The following PHACTR4 variants were observed in gnomAD, a reference collection of about 807,000 sequenced individuals.
PHACTR4 encodes the protein protein phosphatase 1, regulatory subunit 124.
In PHACTR4, 51 loss-of-function variants were observed where a neutral mutation model predicts 72.7. The ratio of observed to expected loss-of-function variants is 0.70; its 90% CI spans 0.56 to 0.89. The LOEUF is 0.89. Among genes scored for constraint, PHACTR4 ranks in the 40% least tolerant of loss-of-function variants. The probability of loss-of-function intolerance (pLI) is 0.00; values close to 1 mark genes in which losing one functional copy is unlikely to be tolerated. For missense variants in PHACTR4, 731 were observed against 861.8 expected (o/e 0.85, Z 1.90); for synonymous variants, 255 against 302.5 (o/e 0.84, Z 1.63).
chr1:28,483,206 C>A (rs1660390456), intron 9 of PHACTR4, among the ~76,000 whole-genome samples: 1 of 151,536 alleles, frequency 6.6e-6, no homozygotes, highest in East Asian at 2.0e-4. Flanking sequence ...GAGTTCGAGG[C>A]AACATGACAA....
At chr1:28,488,334 A>T (rs1660833578) in intron 9 of PHACTR4, among the ~76,000 whole-genome samples, 2 of 151,936 alleles carry the variant, frequency 1.3e-5, no homozygotes, top group African/African-American at 2.4e-5. Flanking sequence ...CGTCTCTACT[A>T]AAAATACAAA....
chr1:28,414,463 G>T (rs1246958702), intron 2 of PHACTR4, among the ~76,000 whole-genome samples: 1 of 127,230 alleles, frequency 7.9e-6, no homozygotes, highest in Non-Finnish European at 1.6e-5. Flanking sequence ...CCGCAGCCTC[G>T]ACCTCCTGAG....
At position 28,411,757 on chromosome 1, in the gene PHACTR4, C is replaced by T. The variant is rs566093415; in HGVS notation, c.16+4294C>T. Among the ~76,000 whole-genome samples the T allele has an allele frequency of 8.6e-5, 13 of 151,922 alleles. No individual in the cohort carries two copies. In the South Asian group the frequency reaches 2.7e-3, roughly 32 times the overall value. On this transcript the variant is annotated intron_variant, in intron 2 of 13. Coordinates refer to ENST00000373839, the MANE Select transcript of PHACTR4 (RefSeq NM_001048183.3). Reference sequence around the variant, plus strand: ...AATCTTAGAAATCACCACTAAAGAACGTATTCATGTAACCAAATACTACCC... The same window carrying T: ...AATCTTAGAAATCACCACTAAAGAATGTATTCATGTAACCAAATACTACCC...
intron 2 of PHACTR4, among the ~76,000 whole-genome samples, chr1:28,450,932 T>A (rs1657909412): frequency 1.4e-5 from 2 of 144,928 alleles, no homozygotes; most frequent in South Asian, 4.4e-4. Flanking sequence ...TGCCTCAGCC[T>A]CCCCAGTAGC....
intron 2 of PHACTR4, among the ~76,000 whole-genome samples, chr1:28,417,613 A>T (rs1402522305): frequency 6.6e-6 from 1 of 152,188 alleles, no homozygotes; most frequent in East Asian, 1.9e-4. Flanking sequence ...TGATACTCAG[A>T]GTGGCACATG....
chr1:28,473,883 C>G lies in PHACTR4; in HGVS notation c.1153C>G (p.Pro385Ala), dbSNP rs925680759. The stretch of plus-strand genomic sequence containing the variant: ...ATCCTTAGATCTACACCAGGAGATT[C>G]CCCAGCAGGAAGATCAGAAAAAGGA... ...PPSLDLHQEIPQQEDQKKEVP... is the reference protein window; with the variant it reads ...PPSLDLHQEIAQQEDQKKEVP... The change falls in exon 7 of 14, where the codon CCC becomes GCC. Residue 385 changes from proline (P) to alanine (A), a missense_variant. Coordinates refer to ENST00000373839, the MANE Select transcript of PHACTR4 (RefSeq NM_001048183.3). The G allele has an allele frequency of 1.2e-5, 20 of 1,613,942 alleles. No homozygotes were observed. Among genetic ancestry groups the G allele is most frequent in the Admixed American group, 1.7e-5 (1 of 59,970 alleles).
intron 12 of PHACTR4, among the ~76,000 whole-genome samples, chr1:28,492,231 G>C (rs1570121120): frequency 1.3e-5 from 2 of 152,136 alleles, no homozygotes; most frequent in East Asian, 3.8e-4. Context: ...GAGGTAAGGA[G>C]TTCGAGACCA....
intron 2 of PHACTR4, among the ~76,000 whole-genome samples, chr1:28,449,975 A>C (rs74064841): frequency 0.1 from 15,820 of 152,188 alleles, 1,902 homozygotes; most frequent in African/African-American, 0.3. Flanking sequence ...CTGCATAATT[A>C]ATGATGTAAG....
chr1:28,408,672 T>A (rs74754529), intron 2 of PHACTR4, among the ~76,000 whole-genome samples: 16,731 of 148,864 alleles, frequency 0.11, 1,591 homozygotes, highest in African/African-American at 0.26. Context: ...ATATATATAT[T>A]TTTTTTTAAT....
intron 10 of PHACTR4, among the ~76,000 whole-genome samples, chr1:28,490,063 C>G (rs1311183324): frequency 6.6e-6 from 1 of 152,022 alleles, no homozygotes; most frequent in Non-Finnish European, 1.5e-5. Context: ...GTTTTGCAGG[C>G]CAAAAAGCAA....
At chr1:28,453,552 C>T (rs1402407434) in intron 2 of PHACTR4, 14 of 689,702 alleles carry the variant, frequency 2.0e-5, no homozygotes, top group Non-Finnish European at 2.7e-5. Flanking sequence ...GGCGGCTTCA[C>T]GAGAGAGTGG....
chr1:28,422,338 A>G (rs1220378400), intron 2 of PHACTR4, among the ~76,000 whole-genome samples: 1 of 152,222 alleles, frequency 6.6e-6, no homozygotes, highest in Non-Finnish European at 1.5e-5. Flanking sequence ...CAGTATAAAA[A>G]CTTTACATCA....
intron 1 of PHACTR4, among the ~76,000 whole-genome samples, chr1:28,389,469 G>A (rs972005833): frequency 1.4e-5 from 2 of 147,212 alleles, no homozygotes; most frequent in Non-Finnish European, 1.5e-5. Context: ...ATGTAAATTT[G>A]TATACTACTT....
chr1:28,434,002 A>G (rs1238289913), intron 2 of PHACTR4, among the ~76,000 whole-genome samples: 2 of 144,014 alleles, frequency 1.4e-5, no homozygotes, highest in Non-Finnish European at 3.0e-5. Flanking sequence ...CTCTTCTTGA[A>G]CTCCTAATCT....
At chr1:28,471,030 GA>G (rs375266708) in intron 6 of PHACTR4, among the ~76,000 whole-genome samples, 116 of 134,172 alleles carry the variant, frequency 8.6e-4, no homozygotes, top group South Asian at 1.7e-3. Flanking sequence ...TGTCTCAAAA[GA>G]AAAAAAAAAA....
rs929879905 is a variant in PHACTR4 at position 28,496,920 on chromosome 1, C to G, written c.*371C>G. 3 of 263,806 alleles carry G rather than the reference C, an allele frequency of 1.1e-5. No homozygotes were observed. The highest frequency in any genetic ancestry group is 2.2e-5 in the Non-Finnish European group (3 of 137,576). The allele number at this position is 263,806 out of a possible 1,614,324, so 16.3% of individuals were successfully genotyped here. ...AGTTTGCACCATTAGCCTTACCTGC[C>G]CTGCCCTGATTGTGAGACCCAAATG... On this transcript the variant is annotated 3_prime_UTR_variant, in exon 14 of 14. Coordinates refer to ENST00000373839, the MANE Select transcript of PHACTR4 (RefSeq NM_001048183.3).
At chr1:28,397,598 T>C (rs1233360243) in intron 1 of PHACTR4, among the ~76,000 whole-genome samples, 1 of 152,026 alleles carries the variant, frequency 6.6e-6, no homozygotes, top group East Asian at 1.9e-4. Flanking sequence ...TCCATCTGAG[T>C]AGATTAATTT....
chr1:28,378,578 C>G (rs1255797554), intron 1 of PHACTR4, among the ~76,000 whole-genome samples: 7 of 126,486 alleles, frequency 5.5e-5, no homozygotes, highest in Non-Finnish European at 8.6e-5. Flanking sequence ...AGCCCCCCCC[C>G]CCTTTTTTTT....
At chr1:28,376,220 C>T (rs1003392350) in intron 1 of PHACTR4, among the ~76,000 whole-genome samples, 4 of 150,756 alleles carry the variant, frequency 2.7e-5, no homozygotes, top group African/African-American at 7.3e-5. Context: ...GGCTGAGGCA[C>T]AGGAATCACT....
Sources: gnomAD v4.1 joint callset for allele counts (sites outside exome capture counted in the v4.1 genomes callset) on GRCh38, gnomAD v4.1.1 for gene constraint, MANE v1.5 for transcripts, NCBI Gene and HGNC (gene_info 2026-07-23, HGNC 2026-07-21) for gene names.